The following TEFM variants were observed in gnomAD, a reference collection of about 807,000 sequenced individuals.
TEFM encodes the protein transcription elongation factor of mitochondria.
A neutral mutation model predicts 23.0 loss-of-function variants in TEFM; 14 were observed. The observed-to-expected ratio is 0.61, with a 90% confidence interval of 0.40 to 0.95. TEFM has a LOEUF of 0.95. TEFM is among the 40% of genes least tolerant of loss of function. The pLI, the probability that TEFM is intolerant of heterozygous loss-of-function variation, is 0.00. For missense variants in TEFM, 386 were observed against 425.5 expected, an observed-to-expected ratio of 0.91 and a Z score of 0.82; for synonymous variants, 155 against 158.3, an observed-to-expected ratio of 0.98 and a Z score of 0.16.
intron 1 of TEFM, among the ~76,000 whole-genome samples, chr17:30,904,986 A>C (rs1485846920): frequency 6.6e-6 from 1 of 152,080 alleles, no homozygotes; most frequent in Non-Finnish European, 1.5e-5. Flanking sequence ...CCCGAGAATC[A>C]TCTTTAAAAG....
In TEFM at chr17:30,904,596, G is replaced by A. The variant is rs565152793; in HGVS notation, c.32-67C>T. On this transcript the variant is annotated intron_variant, in intron 1 of 3. Coordinates refer to ENST00000581216, the MANE Select transcript of TEFM (RefSeq NM_024683.4). ...TTCCTTTGGGGTTAGTTGCAAGCTT[G>A]ACTAGATCCTTTGCAAAGTCACAAA... The A allele has an allele frequency of 2.7e-5, 31 of 1,146,362 alleles. No individual in the cohort carries two copies. The African/African-American group carries it at 4.7e-4, about 17-fold the overall frequency. The allele number at this position is 1,146,362 out of a possible 1,614,324, so 71.0% of individuals were successfully genotyped here.
At chr17:30,901,533 G>A (rs1910046512) in intron 2 of TEFM, among the ~76,000 whole-genome samples, 1 of 152,290 alleles carries the variant, frequency 6.6e-6, no homozygotes, top group Non-Finnish European at 1.5e-5. Flanking sequence ...TGGAGGACTA[G>A]GAGAATGAGA....
intron 2 of TEFM, among the ~76,000 whole-genome samples, chr17:30,903,835 C>T (rs1258868110): frequency 1.3e-5 from 2 of 152,092 alleles, no homozygotes; most frequent in Admixed American, 6.6e-5. Context: ...CTTTTAAGAC[C>T]TAAATTGAGT....
At chr17:30,903,866 AAC>A (rs1325480709) in intron 2 of TEFM, 198 bp downstream of exon 2, 4 of 525,886 alleles carry the variant, frequency 7.6e-6, no homozygotes, top group African/African-American at 3.8e-5. Context: ...AACTTTCCAC[AAC>A]AGTCACAGCC....
intron 2 of TEFM, 141 bp downstream of exon 2, chr17:30,903,925 C>T: frequency 3.0e-6 from 2 of 664,302 alleles, no homozygotes; most frequent in South Asian, 4.3e-5. Flanking sequence ...CTGTACATCT[C>T]ATTATTTGGT....
Position 30,904,239 on chromosome 17 carries a change from G to A in TEFM, c.322C>T (p.Pro108Ser), listed in dbSNP as rs750441006. The A allele has an allele frequency of 6.2e-7, 1 of 1,614,068 alleles. No homozygotes were observed. The highest frequency in any genetic ancestry group is 8.5e-7 in the Non-Finnish European group (1 of 1,180,024). The part of the protein sequence containing the change: ...NIVEHRENFG[P>S]FQNLESLMNV... The stretch of plus-strand genomic sequence containing the variant: ...ATTAAACTCTCTAAATTCTGAAATG[G>A]CCCAAAGTTTTCTCTGTGCTCTACG... The change falls in exon 2 of 4, where the codon CCA becomes TCA. Residue 108 changes from proline (P) to serine (S), a missense_variant. Coordinates refer to ENST00000581216, the MANE Select transcript of TEFM (RefSeq NM_024683.4).
rs201209638 is a variant in TEFM, at chr17:30,904,270, G to A, written c.291C>T (p.Ile97=). Residue 97 remains isoleucine, a synonymous_variant, in exon 2 of 4, where the codon ATC becomes ATT. Coordinates refer to ENST00000581216, the MANE Select transcript of TEFM (RefSeq NM_024683.4). Reference sequence around the variant, plus strand: ...AGTTTTCTCTGTGCTCTACGATATTGATGGACCTTCTTCCACGAAGCAATC... The same window carrying A: ...AGTTTTCTCTGTGCTCTACGATATTAATGGACCTTCTTCCACGAAGCAATC... ...AFRLLRGRRS[I]NIVEHRENFG... The A allele has an allele frequency of 6.2e-7, 1 of 1,614,172 alleles. No individual in the cohort carries two copies. The highest frequency in any genetic ancestry group is 8.5e-7 in the Non-Finnish European group (1 of 1,180,042).
In TEFM at chr17:30,900,421, A is replaced by C; in HGVS notation, c.637T>G (p.Leu213Val). The change falls in exon 3 of 4, where the codon TTA becomes GTA. Residue 213 changes from leucine to valine, a missense_variant. Leu to Val is a conservative substitution (Grantham distance 32). Coordinates refer to ENST00000581216, the MANE Select transcript of TEFM (RefSeq NM_024683.4). The stretch of plus-strand genomic sequence containing the variant: ...AGGTGCAACTGCCTTACCTCTTCTA[A>C]ATAGACTGATGATGAGTATATTCCT... ...MRGIYSSSVY[L>V]EEISSIISKM... 1 of 1,614,156 alleles carries C rather than the reference A, an allele frequency of 6.2e-7. No individual in the cohort carries two copies. The highest frequency in any genetic ancestry group is 8.5e-7 in the Non-Finnish European group (1 of 1,180,014).
chr17:30,899,594 TG>T lies in TEFM; in HGVS notation c.657del (p.Ile220PhefsTer42). On this transcript the variant is annotated frameshift_variant, in exon 4 of 4. Transcript: ENST00000581216. LOFTEE classifies it high-confidence loss of function. Reference protein sequence around the residue: ...SSVYLEEISSIISKMPKADFY... With the variant: ...SSVYLEEISSXISKMPKADFY... ...AAATCTGCTTTAGGCATCTTTGAAA[TG>T]ATCGAGGAAATCTTTTTAAAAAAAG... is the stretch of plus-strand genomic sequence containing the variant. The T allele has an allele frequency of 6.6e-7, 1 of 1,521,642 alleles. No individual in the cohort carries two copies. The highest frequency in any genetic ancestry group is 8.8e-7 in the Non-Finnish European group (1 of 1,133,220). The allele number at this position is 1,521,642 out of a possible 1,614,324, so 94.3% of individuals were successfully genotyped here.
chr17:30,903,303 T>C (rs1910088336), intron 2 of TEFM, among the ~76,000 whole-genome samples: 1 of 145,814 alleles, frequency 6.9e-6, no homozygotes, highest in Non-Finnish European at 1.5e-5. Flanking sequence ...GTCAGCTCAC[T>C]GCAACCTCTG....
chr17:30,901,164 G>A (rs1910039894), intron 2 of TEFM, among the ~76,000 whole-genome samples: 1 of 152,034 alleles, frequency 6.6e-6, no homozygotes, highest in African/African-American at 2.4e-5. Flanking sequence ...GGGATTACAG[G>A]TACCTGCCAC....
rs1179656082 is a variant in TEFM at position 30,904,066 on chromosome 17, CT to C, written c.494del (p.Lys165ArgfsTer25). 12 of 1,611,082 alleles carry C rather than the reference CT, an allele frequency of 7.4e-6. No individual in the cohort carries two copies. Among genetic ancestry groups the C allele is most frequent in the Non-Finnish European group, 1.0e-5 (12 of 1,178,404 alleles). On this transcript the variant is annotated frameshift_variant and splice_region_variant, in exon 2 of 4. Coordinates refer to ENST00000581216, the MANE Select transcript of TEFM (RefSeq NM_024683.4). LOFTEE classifies it high-confidence loss of function. Reference sequence around the variant, plus strand: ...AGTATAGCAGACATGAAGAATATACCTTAAGTCTTTCTCTTTCTATGTCTGG... The same window carrying C: ...AGTATAGCAGACATGAAGAATATACCTAAGTCTTTCTCTTTCTATGTCTGG... Reference protein sequence around the residue: ...LKPDIERERLKAVNSIISIVF... With the variant: ...LKPDIERERLXAVNSIISIVF...
intron 2 of TEFM, among the ~76,000 whole-genome samples, chr17:30,903,214 T>G (rs952422046): frequency 2.0e-5 from 3 of 150,604 alleles, no homozygotes; most frequent in Non-Finnish European, 4.4e-5. Context: ...GAAAAAGAAT[T>G]GCTTTTAGAA....
chr17:30,903,227 G>GT (rs200737050), intron 2 of TEFM, among the ~76,000 whole-genome samples: 32 of 140,340 alleles, frequency 2.3e-4, no homozygotes, highest in African/African-American at 5.5e-4. Flanking sequence ...TTTTAGAATG[G>GT]TGTTTTTTTT....
In TEFM at chr17:30,904,495, T is replaced by G; in HGVS notation, c.66A>C (p.Ser22=). The change falls in exon 2 of 4, where the codon TCA becomes TCC. Residue 22 remains serine, a synonymous_variant. Coordinates refer to ENST00000581216, the MANE Select transcript of TEFM (RefSeq NM_024683.4). ...AATTATGTAAGGCCCAGTACAGGGA[T>G]GACCTCGACGGGGTCAGAAAGCATC... ...RWRCFLTPSR[S]SLYWALHNFC... is the part of the protein sequence containing the mutation. 2 of 1,612,168 alleles carry G rather than the reference T, an allele frequency of 1.2e-6. No individual in the cohort carries two copies. Among genetic ancestry groups the G allele is most frequent in the Non-Finnish European group, 1.7e-6 (2 of 1,178,914 alleles).
chr17:30,902,654 T>C (rs1386577623), intron 2 of TEFM, among the ~76,000 whole-genome samples: 2 of 152,178 alleles, frequency 1.3e-5, no homozygotes, highest in African/African-American at 2.4e-5. Context: ...TGAAACTGTG[T>C]AGTATTCTGT....
At position 30,900,468 on chromosome 17, in the gene TEFM, C is replaced by T; in HGVS notation, c.590G>A (p.Ser197Asn). The part of the protein sequence containing the change: ...RKLTVLDWQQ[S>N]DRWSLMRGIY... ...TCCTCTCATTAAACTCCAACGGTCA[C>T]TTTGCTGCCAGTCCAGCACTGTCAA... The change falls in exon 3 of 4, where the codon AGT becomes AAT. Residue 197 changes from serine to asparagine, a missense_variant. Physicochemically the swap from Ser to Asn is conservative, Grantham distance 46. Coordinates refer to ENST00000581216, the MANE Select transcript of TEFM (RefSeq NM_024683.4). 6.2e-7 allele frequency: 1 copy of T among 1,614,222 alleles called. No homozygotes were observed.
In TEFM at chr17:30,899,364, T is replaced by C. The variant is rs1909988114; in HGVS notation, c.888A>G (p.Gly296=). 2 of 1,614,086 alleles carry C rather than the reference T, an allele frequency of 1.2e-6. No homozygotes were observed. Among genetic ancestry groups the C allele is most frequent in the African/African-American group, 2.7e-5 (2 of 74,942 alleles). ...ELMIGDSRTS[G]KELVKQFLFD... ...AGAGAAACTGCTTCACTAGCTCTTTTCCACTAGTCCGGGAGTCACCAATCA... is the reference window on the plus strand; with the variant it reads ...AGAGAAACTGCTTCACTAGCTCTTTCCCACTAGTCCGGGAGTCACCAATCA... Residue 296 remains glycine, a synonymous_variant, in exon 4 of 4, where the codon GGA becomes GGG. Coordinates refer to ENST00000581216, the MANE Select transcript of TEFM (RefSeq NM_024683.4).
At chr17:30,901,521 A>C (rs1224741480) in intron 2 of TEFM, among the ~76,000 whole-genome samples, 1 of 152,208 alleles carries the variant, frequency 6.6e-6, no homozygotes, top group Admixed American at 6.5e-5. Context: ...GGGAAGGTTT[A>C]CTGGAGGACT....
Sources: allele counts gnomAD v4.1 joint callset (sites outside exome capture counted in the v4.1 genomes callset), GRCh38; gene constraint gnomAD v4.1.1; transcripts MANE v1.5; gene names NCBI Gene and HGNC (gene_info 2026-07-23, HGNC 2026-07-21).